The following RAB11FIP4 variants were observed in gnomAD, a reference collection of about 807,000 sequenced individuals.
RAB11FIP4 encodes rab11 family-interacting protein 4.
In RAB11FIP4, 23 loss-of-function variants were observed where a neutral mutation model predicts 74.3. That is an observed-to-expected ratio of 0.31 (90% CI 0.22 to 0.44). The LOEUF (loss-of-function observed/expected upper bound fraction) is 0.44. Among genes scored for constraint, RAB11FIP4 ranks in the 20% least tolerant of loss-of-function variants. The pLI is 1.00. For synonymous variants in RAB11FIP4, 360 were observed against 359.9 expected, an observed-to-expected ratio of 1.00 and a Z score of 0.00; for missense variants, 630 against 863.9, an observed-to-expected ratio of 0.73 and a Z score of 3.39.
chr17:31,447,100 C>T (rs546066774), intron 3 of RAB11FIP4, among the ~76,000 whole-genome samples: 30 of 152,182 alleles, frequency 2.0e-4, no homozygotes, highest in East Asian at 9.7e-4. Flanking sequence ...CTGGCTAACA[C>T]GGTGAAACCC....
In RAB11FIP4 at chr17:31,463,677, G is replaced by A. The variant is rs190340374; in HGVS notation, c.336+29555G>A. 9.4e-4 allele frequency among the ~76,000 whole-genome samples: 143 copies of A among 151,994 alleles called. 1 individual carries two copies. The East Asian group carries it at 0.024, about 25-fold the overall frequency. ...TGCCACCACACCTGGCTAATTTTTT[G>A]TATTTTTAGTAGAGACGGGGTTTCA... is the stretch of plus-strand genomic sequence containing the variant. On this transcript the variant is annotated intron_variant, in intron 3 of 14. Coordinates refer to ENST00000621161, the MANE Select transcript of RAB11FIP4 (RefSeq NM_032932.6).
chr17:31,434,721 C>T lies in RAB11FIP4; in HGVS notation c.336+599C>T, dbSNP rs141936259. On this transcript the variant is annotated intron_variant, in intron 3 of 14. Transcript: ENST00000621161. ...AACACTCAGGAAATGGTTGTACTTA[C>T]GATGATCAGTGTATTACAAAGGATA... 1.2e-4 allele frequency among the ~76,000 whole-genome samples: 18 copies of T among 152,258 alleles called. No individual in the cohort carries two copies. In the East Asian group the frequency reaches 2.1e-3, roughly 18 times the overall value.
intron 3 of RAB11FIP4, among the ~76,000 whole-genome samples, chr17:31,459,482 TTTATTA>T (rs3058664): frequency 2.5e-3 from 378 of 151,124 alleles, no homozygotes; most frequent in African/African-American, 8.8e-3. Flanking sequence ...CGGTGAGCGT[TTTATTA>T]TTATTATTAT....
intron 3 of RAB11FIP4, among the ~76,000 whole-genome samples, chr17:31,471,668 G>A (rs559966955): frequency 2.0e-5 from 3 of 152,128 alleles, no homozygotes; most frequent in African/African-American, 4.8e-5. Context: ...TAGAGGTGCT[G>A]GGGGACAGTC....
intron 3 of RAB11FIP4, among the ~76,000 whole-genome samples, chr17:31,439,051 C>A (rs932036192): frequency 6.6e-6 from 1 of 152,194 alleles, no homozygotes; most frequent in East Asian, 1.9e-4. Flanking sequence ...TCCTGGGGGC[C>A]CTTCACCCTC....
In RAB11FIP4 at chr17:31,499,186, G is replaced by T. The variant is rs570780851; in HGVS notation, c.337-18465G>T. 2.6e-5 allele frequency among the ~76,000 whole-genome samples: 4 copies of T among 152,264 alleles called. No individual in the cohort carries two copies. The East Asian group carries it at 7.7e-4, about 29-fold the overall frequency. On this transcript the variant is annotated intron_variant, in intron 3 of 14. Transcript: ENST00000621161. ...TAGGCATTTGGGAAATCTTTTCTGA[G>T]AATTTAGATGGGACGATTTAAATTA...
At chr17:31,403,781 T>G (rs991669079) in intron 1 of RAB11FIP4, among the ~76,000 whole-genome samples, 3 of 152,088 alleles carry the variant, frequency 2.0e-5, no homozygotes, top group African/African-American at 7.2e-5. Context: ...GCTGTGGGGG[T>G]CTCATGTTCT....
chr17:31,523,428 G>A (rs2072704934), intron 7 of RAB11FIP4, 84 bp from the exon 8 acceptor site: 1 of 1,093,886 alleles, frequency 9.1e-7, no homozygotes. Flanking sequence ...CTGGGGTACT[G>A]GATGCTCGCC....
At chr17:31,498,844 C>T (rs966482455) in intron 3 of RAB11FIP4, among the ~76,000 whole-genome samples, 3 of 152,204 alleles carry the variant, frequency 2.0e-5, no homozygotes, top group Non-Finnish European at 4.4e-5. Context: ...CCCTCCCAAA[C>T]CTTCACTTTG....
rs1252450012 is a variant in RAB11FIP4 at position 31,537,320 on chromosome 17, C to T, written c.*5588C>T. The T allele has an allele frequency of 5.0e-6, 2 of 398,140 alleles. No individual in the cohort carries two copies. Among genetic ancestry groups the T allele is most frequent in the Admixed American group, 4.4e-5 (1 of 22,716 alleles). The allele number at this position is 398,140 out of a possible 1,614,324, so 24.7% of individuals were successfully genotyped here. ...CCACAAGGATCAGGCCCCACTTACC[C>T]TTGGCTCGCTCAGCCTGTAGACTTG... is the stretch of plus-strand genomic sequence containing the variant. On this transcript the variant is annotated 3_prime_UTR_variant, in exon 15 of 15. Coordinates refer to ENST00000621161, the MANE Select transcript of RAB11FIP4 (RefSeq NM_032932.6).
intron 3 of RAB11FIP4, among the ~76,000 whole-genome samples, chr17:31,443,656 T>G (rs2071425540): frequency 6.6e-6 from 1 of 152,092 alleles, no homozygotes; most frequent in South Asian, 2.1e-4. Flanking sequence ...AGGCCTGGAA[T>G]CCCAGCACTT....
At chr17:31,445,609 G>T (rs1403361357) in intron 3 of RAB11FIP4, among the ~76,000 whole-genome samples, 2 of 105,860 alleles carry the variant, frequency 1.9e-5, no homozygotes, top group African/African-American at 3.8e-5. Flanking sequence ...TTTTTGACAC[G>T]GAGTCTTGCT....
At chr17:31,513,400 G>A (rs9890394) in intron 3 of RAB11FIP4, among the ~76,000 whole-genome samples, 5,223 of 152,312 alleles carry the variant, frequency 0.034, 279 homozygotes, top group African/African-American at 0.12. Context: ...GGTGGCTCAA[G>A]GAGAGAGAAG....
chr17:31,402,916 C>G (rs911191132), intron 1 of RAB11FIP4, among the ~76,000 whole-genome samples: 4 of 152,184 alleles, frequency 2.6e-5, no homozygotes, highest in Non-Finnish European at 4.4e-5. Flanking sequence ...TGAGCCACCG[C>G]GCCTGGCCAG....
rs2072746571 is a variant in RAB11FIP4, at chr17:31,525,286, C to T, written c.1274+56C>T. On this transcript the variant is annotated intron_variant, in intron 10 of 14. Transcript: ENST00000621161. ...GAGGGACCCCCTGTCCTGGGGCAGC[C>T]CTGTGGGATAGGCGCTATCCCCATT... 4.7e-6 allele frequency: 7 copies of T among 1,489,462 alleles called. No homozygotes were observed. In the South Asian group the frequency reaches 7.9e-5, roughly 17 times the overall value. 92.3% of individuals were successfully genotyped at this position (1,489,462 alleles called of 1,614,324 possible). A position where few individuals can be genotyped will look rare whatever the true frequency, so the allele number is the denominator to read the frequency against.
intron 1 of RAB11FIP4, among the ~76,000 whole-genome samples, chr17:31,422,116 A>G (rs926322735): frequency 2.0e-4 from 30 of 152,146 alleles, no homozygotes; most frequent in South Asian, 2.1e-4. Context: ...TGGAGGCTGC[A>G]GTGAGCTATG....
chr17:31,426,831 A>T (rs1390749582), intron 1 of RAB11FIP4, among the ~76,000 whole-genome samples: 1 of 151,846 alleles, frequency 6.6e-6, no homozygotes, highest in Non-Finnish European at 1.5e-5. Context: ...CAATCTCTTG[A>T]CCTAGTGATC....
chr17:31,515,677 G>A (rs2072533212), intron 3 of RAB11FIP4, among the ~76,000 whole-genome samples: 1 of 151,998 alleles, frequency 6.6e-6, no homozygotes, highest in Non-Finnish European at 1.5e-5. Context: ...CCTTTAATAG[G>A]GTGCCCTGCC....
intron 12 of RAB11FIP4, 30 bp from the exon 13 acceptor site, chr17:31,528,590 C>T (rs775737584): frequency 1.7e-5 from 28 of 1,613,274 alleles, no homozygotes; most frequent in Non-Finnish European, 8.5e-7. Context: ...AGCATCCCTG[C>T]TCCTGCCAAC....
Sources: allele counts gnomAD v4.1 joint callset (sites outside exome capture counted in the v4.1 genomes callset), GRCh38; gene constraint gnomAD v4.1.1; transcripts MANE v1.5; gene names NCBI Gene and HGNC (gene_info 2026-07-23, HGNC 2026-07-21).